The following CCDC170 variants were observed in gnomAD, a reference collection of about 807,000 sequenced individuals.
The protein encoded by CCDC170 is coiled-coil domain containing 170.
CCDC170 carries 69 observed loss-of-function variants against 72.6 expected under a neutral mutation model. That is an observed-to-expected ratio of 0.95 (90% confidence interval 0.78 to 1.16). The LOEUF is 1.16. Among genes scored for constraint, CCDC170 ranks in the 50% most tolerant of loss-of-function variants. The probability of loss-of-function intolerance (pLI) is 0.00; values close to 1 mark genes in which losing one functional copy is unlikely to be tolerated. For missense variants in CCDC170, 852 were observed against 832.5 expected (o/e 1.02, Z -0.29); for synonymous variants, 300 against 303.9 (o/e 0.99, Z 0.13).
At chr6:151,590,889 T>G (rs1225804140) in intron 7 of CCDC170, among the ~76,000 whole-genome samples, 1 of 152,178 alleles carries the variant, frequency 6.6e-6, no homozygotes, top group East Asian at 1.9e-4. Flanking sequence ...ATACAAGCAA[T>G]AGCAGTTAGG....
intron 1 of CCDC170, among the ~76,000 whole-genome samples, chr6:151,513,554 A>G (rs535304376): frequency 1.1e-3 from 151 of 142,264 alleles, no homozygotes; most frequent in African/African-American, 3.4e-3. Context: ...AGGTTGCAGT[A>G]AGCCGAGATC....
intron 6 of CCDC170, among the ~76,000 whole-genome samples, chr6:151,578,963 T>G (rs1776343675): frequency 6.6e-6 from 1 of 152,156 alleles, no homozygotes; most frequent in Non-Finnish European, 1.5e-5. Context: ...GTGAATTAAA[T>G]CTTTTAGGGC....
intron 5 of CCDC170, among the ~76,000 whole-genome samples, chr6:151,554,877 T>G (rs1193713626): frequency 7.2e-6 from 1 of 139,592 alleles, no homozygotes; most frequent in Admixed American, 7.1e-5. Context: ...CCTCAGTTTT[T>G]TTTTTTTTTT....
At chr6:151,520,782 C>T (rs535418512) in intron 1 of CCDC170, among the ~76,000 whole-genome samples, 15 of 152,262 alleles carry the variant, frequency 9.9e-5, no homozygotes, top group Admixed American at 2.0e-4. Flanking sequence ...TGACTCAGCA[C>T]AAGAGGACAA....
At chr6:151,517,705 G>A (rs1486971543) in intron 1 of CCDC170, among the ~76,000 whole-genome samples, 1 of 152,000 alleles carries the variant, frequency 6.6e-6, no homozygotes, top group Non-Finnish European at 1.5e-5. Context: ...GCCTCCCAAA[G>A]TGCTGGGATT....
chr6:151,565,374 G>T (rs963556426), intron 5 of CCDC170, among the ~76,000 whole-genome samples: 1 of 152,150 alleles, frequency 6.6e-6, no homozygotes, highest in East Asian at 1.9e-4. Context: ...GCCTGTGAGG[G>T]GCTCTCTGGT....
intron 5 of CCDC170, among the ~76,000 whole-genome samples, chr6:151,552,068 T>A (rs562600907): frequency 6.6e-6 from 1 of 151,584 alleles, no homozygotes; most frequent in African/African-American, 2.4e-5. Flanking sequence ...TAAATAGCAT[T>A]GACATGTTGG....
intron 1 of CCDC170, among the ~76,000 whole-genome samples, chr6:151,504,728 A>G (rs1231325134): frequency 2.0e-5 from 3 of 152,048 alleles, no homozygotes; most frequent in Middle Eastern, 3.4e-3. Context: ...CATGCAAATG[A>G]TGGTCACTAG....
intron 2 of CCDC170, among the ~76,000 whole-genome samples, chr6:151,537,042 CAG>C (rs1343805028): frequency 1.3e-5 from 2 of 152,084 alleles, no homozygotes; most frequent in African/African-American, 4.8e-5. Context: ...CCATGGGCCT[CAG>C]AGAAATTTAG....
chr6:151,613,989 T>C (rs915984611), intron 9 of CCDC170, among the ~76,000 whole-genome samples: 2 of 152,246 alleles, frequency 1.3e-5, no homozygotes, highest in Admixed American at 6.5e-5. Flanking sequence ...CCTCACATCC[T>C]TGCTAACACT....
chr6:151,528,184 A>T (rs1157483767), intron 1 of CCDC170, among the ~76,000 whole-genome samples: 3 of 152,158 alleles, frequency 2.0e-5, no homozygotes, highest in Non-Finnish European at 4.4e-5. Context: ...GTTAGCTGAG[A>T]GGTACCTAAT....
chr6:151,514,325 AAAGG>A (rs1206386280), intron 1 of CCDC170, among the ~76,000 whole-genome samples: 9 of 119,134 alleles, frequency 7.6e-5, no homozygotes, highest in Admixed American at 7.1e-4. Context: ...AAAATGAAAG[AAAGG>A]AAGGAAGGAG....
At chr6:151,605,902 A>AT (rs36039695) in intron 9 of CCDC170, among the ~76,000 whole-genome samples, 23 of 132,604 alleles carry the variant, frequency 1.7e-4, no homozygotes, top group South Asian at 1.5e-3. Context: ...CTATGCCGCC[A>AT]TTTTTTTTTT....
chr6:151,551,378 C>T (rs1054297765), intron 5 of CCDC170, among the ~76,000 whole-genome samples: 1 of 152,282 alleles, frequency 6.6e-6, no homozygotes, highest in Admixed American at 6.5e-5. Flanking sequence ...TGCCGGATAC[C>T]ATCTGTGGTG....
chr6:151,505,213 A>G (rs1400620360), intron 1 of CCDC170, among the ~76,000 whole-genome samples: 2 of 152,016 alleles, frequency 1.3e-5, no homozygotes, highest in Non-Finnish European at 2.9e-5. Flanking sequence ...TGGCCTGCAT[A>G]CTAGGAAGCC....
At chr6:151,514,982 C>A (rs1225114786) in intron 1 of CCDC170, among the ~76,000 whole-genome samples, 5 of 152,190 alleles carry the variant, frequency 3.3e-5, no homozygotes, top group Admixed American at 3.3e-4. Flanking sequence ...ACTCACTCAC[C>A]TGGTCTCTGC....
intron 4 of CCDC170, among the ~76,000 whole-genome samples, chr6:151,546,169 C>T (rs1267575573): frequency 2.6e-5 from 4 of 152,136 alleles, no homozygotes; most frequent in Admixed American, 1.3e-4. Context: ...TGACTTCATT[C>T]GACTTTGGGA....
At chr6:151,559,779 G>C (rs1284617311) in intron 5 of CCDC170, among the ~76,000 whole-genome samples, 1 of 152,258 alleles carries the variant, frequency 6.6e-6, no homozygotes, top group East Asian at 1.9e-4. Flanking sequence ...TTGTATTTCT[G>C]TGGTATCAGT....
chr6:151,527,933 C>A (rs899746677), intron 1 of CCDC170, among the ~76,000 whole-genome samples: 2 of 152,070 alleles, frequency 1.3e-5, no homozygotes, highest in Non-Finnish European at 2.9e-5. Context: ...CAACTAAATA[C>A]CATAGTAGCA....
Sources: gnomAD v4.1 joint callset for allele counts (sites outside exome capture counted in the v4.1 genomes callset) on GRCh38, gnomAD v4.1.1 for gene constraint, MANE v1.5 for transcripts, NCBI Gene and HGNC (gene_info 2026-07-23, HGNC 2026-07-21) for gene names.